The following CGGBP1 variants were observed in gnomAD, a reference collection of about 807,000 sequenced individuals.
CGGBP1 encodes the protein CGG triplet repeat binding protein 1.
In CGGBP1, 4 loss-of-function variants were observed where a neutral mutation model predicts 11.4. The ratio of observed to expected loss-of-function variants is 0.35; its 90% confidence interval spans 0.17 to 0.80. CGGBP1 has a LOEUF of 0.80. CGGBP1 is among the 30% of genes least tolerant of loss of function. The pLI is 0.52. For synonymous variants in CGGBP1, 76 were observed against 74.1 expected, an observed-to-expected ratio of 1.03 and a Z score of -0.13; for missense variants, 135 against 202.1, an observed-to-expected ratio of 0.67 and a Z score of 2.01.
chr3:88,094,499 A>G (rs1160609247), intron 2 of CGGBP1, among the ~76,000 whole-genome samples: 1 of 152,152 alleles, frequency 6.6e-6, no homozygotes, highest in Non-Finnish European at 1.5e-5. Context: ...TTTATATCAG[A>G]ATCTAGAGGG....
intron 2 of CGGBP1, among the ~76,000 whole-genome samples, chr3:88,106,080 G>T (rs573241303): frequency 7.9e-5 from 12 of 152,246 alleles, no homozygotes; most frequent in African/African-American, 2.4e-4. Context: ...ACCTGTTGGC[G>T]CTCTGATGAG....
chr3:88,110,527 A>G (rs1489308191), intron 2 of CGGBP1, among the ~76,000 whole-genome samples: 2 of 152,098 alleles, frequency 1.3e-5, no homozygotes, highest in African/African-American at 2.4e-5. Flanking sequence ...CTAACCATTC[A>G]TTTCTCATGT....
chr3:88,122,370 A>G (rs540715759), intron 2 of CGGBP1, among the ~76,000 whole-genome samples: 3 of 152,316 alleles, frequency 2.0e-5, no homozygotes, highest in Non-Finnish European at 4.4e-5. Flanking sequence ...CTTTCATCCT[A>G]TGATAAACTG....
chr3:88,093,830 G>A (rs1703889841), intron 2 of CGGBP1, among the ~76,000 whole-genome samples: 1 of 152,176 alleles, frequency 6.6e-6, no homozygotes, highest in South Asian at 2.1e-4. Context: ...AGGAAGAAAG[G>A]CTAATTATAA....
chr3:88,144,984 C>T (rs1347222749), intron 1 of CGGBP1, among the ~76,000 whole-genome samples: 3 of 151,972 alleles, frequency 2.0e-5, no homozygotes, highest in East Asian at 3.9e-4. Context: ...TAGTAGGTGT[C>T]GGAACTCTCC....
chr3:88,095,928 T>A, intron 2 of CGGBP1: 1 of 374,708 alleles, frequency 2.7e-6, no homozygotes, highest in Non-Finnish European at 5.0e-6. Context: ...CTCCTCTTCA[T>A]TCTCTGATGA....
At chr3:88,140,552 T>C in intron 2 of CGGBP1, 1 of 1,613,736 alleles carries the variant, frequency 6.2e-7, no homozygotes, top group Non-Finnish European at 8.5e-7. Flanking sequence ...AAAAGATGCC[T>C]GACATAGAGC....
chr3:88,140,479 G>A (rs1363934550), intron 2 of CGGBP1: 1 of 1,613,668 alleles, frequency 6.2e-7, no homozygotes, highest in Admixed American at 1.7e-5. Context: ...AAAACAGACA[G>A]TTTAGTTCAG....
chr3:88,087,091 G>C (rs1708373974), intron 2 of CGGBP1, among the ~76,000 whole-genome samples: 1 of 150,008 alleles, frequency 6.7e-6, no homozygotes, highest in African/African-American at 2.5e-5. Flanking sequence ...CCATTGTTTT[G>C]TTTTTTTGAG....
chr3:88,082,543 G>A (rs999038635), intron 2 of CGGBP1, among the ~76,000 whole-genome samples: 3 of 152,234 alleles, frequency 2.0e-5, no homozygotes, highest in African/African-American at 7.2e-5. Context: ...GAAAGTTGAT[G>A]ACAATGGGAG....
intron 2 of CGGBP1, among the ~76,000 whole-genome samples, chr3:88,112,087 GT>G (rs1363386374): frequency 6.6e-6 from 1 of 151,628 alleles, no homozygotes; most frequent in African/African-American, 2.4e-5. Flanking sequence ...TTGGTTTTAC[GT>G]TTTTTGGTCT....
intron 2 of CGGBP1, among the ~76,000 whole-genome samples, chr3:88,135,983 GATGT>G (rs1706759569): frequency 6.6e-6 from 1 of 151,946 alleles, no homozygotes. Context: ...TCACTCATTA[GATGT>G]ATGATCATGT....
upstream of CGGBP1, chr3:88,059,439 T>C: frequency 6.6e-7 from 1 of 1,521,192 alleles, no homozygotes; most frequent in Non-Finnish European, 8.8e-7. Flanking sequence ...GAGGCGGCGC[T>C]GGCAGCGGCA....
chr3:88,103,192 A>G (rs1247441379), intron 2 of CGGBP1, among the ~76,000 whole-genome samples: 7 of 152,188 alleles, frequency 4.6e-5, no homozygotes, highest in African/African-American at 1.7e-4. Context: ...GAGACCCCCT[A>G]TTAAGAGATA....
chr3:88,113,331 A>G (rs908627511), intron 2 of CGGBP1: 13 of 490,962 alleles, frequency 2.6e-5, no homozygotes, highest in Middle Eastern at 8.2e-4. Flanking sequence ...TTAAGATCCT[A>G]TTATTACTGG....
intron 2 of CGGBP1, among the ~76,000 whole-genome samples, chr3:88,065,194 T>C (rs1230092995): frequency 2.0e-5 from 3 of 152,208 alleles, no homozygotes; most frequent in African/African-American, 7.2e-5. Context: ...TGGAAAGACA[T>C]CAACTCGTTT....
chr3:88,101,477 C>G (rs906836368), intron 2 of CGGBP1, among the ~76,000 whole-genome samples: 1 of 152,118 alleles, frequency 6.6e-6, no homozygotes, highest in Admixed American at 6.6e-5. Flanking sequence ...CTATTTTTCA[C>G]TTAGAATAAT....
chr3:88,072,611 T>G (rs553804160), intron 2 of CGGBP1, among the ~76,000 whole-genome samples: 3 of 152,318 alleles, frequency 2.0e-5, no homozygotes, highest in Non-Finnish European at 4.4e-5. Context: ...ATTAGAGAGA[T>G]AGAGGCCTTC....
chr3:88,120,979 A>G (rs1351564405), intron 2 of CGGBP1, among the ~76,000 whole-genome samples: 1 of 152,044 alleles, frequency 6.6e-6, no homozygotes, highest in East Asian at 1.9e-4. Context: ...CAAGTACCTA[A>G]TGCATGTGGT....
Sources: gnomAD v4.1 joint callset for allele counts (sites outside exome capture counted in the v4.1 genomes callset) on GRCh38, gnomAD v4.1.1 for gene constraint, MANE v1.5 for transcripts, NCBI Gene and HGNC (gene_info 2026-07-23, HGNC 2026-07-21) for gene names.